The following KLHL32 variants were observed in gnomAD, a reference collection of about 807,000 sequenced individuals.
The protein encoded by KLHL32 is kelch like family member 32.
Under a neutral mutation model 64.8 loss-of-function variants are expected in KLHL32, and 35 were observed. The ratio of observed to expected loss-of-function variants is 0.54; its 90% CI spans 0.41 to 0.72. The LOEUF (loss-of-function observed/expected upper bound fraction) is 0.72. Among genes scored for constraint, KLHL32 ranks in the 30% least tolerant of loss-of-function variants. The pLI, the probability that KLHL32 is intolerant of heterozygous loss-of-function variation, is 0.00. For synonymous variants in KLHL32, 259 were observed against 281.0 expected (o/e 0.92, Z 0.78); for missense variants, 589 against 768.5 (o/e 0.77, Z 2.76).
chr6:97,066,871 T>C (rs961323961), intron 5 of KLHL32, among the ~76,000 whole-genome samples: 3 of 152,208 alleles, frequency 2.0e-5, no homozygotes, highest in African/African-American at 7.2e-5. Context: ...TCATTGAGTA[T>C]ATAAAAATAA....
At chr6:97,027,343 C>T (rs777023765) in intron 3 of KLHL32, among the ~76,000 whole-genome samples, 2 of 152,130 alleles carry the variant, frequency 1.3e-5, no homozygotes, top group Non-Finnish European at 2.9e-5. Context: ...TTACAGCCCT[C>T]AACGGGGCTG....
chr6:97,042,186 T>C (rs1222582516), intron 4 of KLHL32, among the ~76,000 whole-genome samples: 1 of 152,204 alleles, frequency 6.6e-6, no homozygotes, highest in Non-Finnish European at 1.5e-5. Context: ...GATGTTTAGC[T>C]CCCCTTTTAT....
At chr6:97,094,705 T>C (rs1794724808) in intron 6 of KLHL32, among the ~76,000 whole-genome samples, 1 of 152,220 alleles carries the variant, frequency 6.6e-6, no homozygotes, top group African/African-American at 2.4e-5. Context: ...TCTAAAGTTA[T>C]GTATCAAAGA....
the KLHL32 span, among the ~76,000 whole-genome samples, chr6:96,898,834 C>T: frequency 6.6e-6 from 1 of 152,034 alleles, no homozygotes; most frequent in African/African-American, 2.4e-5. Flanking sequence ...ATAAAACCCA[C>T]CAGGAAGGAA....
intron 10 of KLHL32, among the ~76,000 whole-genome samples, chr6:97,135,583 C>T (rs1799918208): frequency 6.6e-6 from 1 of 152,112 alleles, no homozygotes; most frequent in Non-Finnish European, 1.5e-5. Flanking sequence ...CAGGCGTGAG[C>T]CACTGCATCT....
At chr6:97,038,268 AC>A (rs1418262559) in intron 3 of KLHL32, among the ~76,000 whole-genome samples, 2 of 152,116 alleles carry the variant, frequency 1.3e-5, no homozygotes, top group Non-Finnish European at 2.9e-5. Flanking sequence ...TTTGTAAACT[AC>A]CATCTGACAA....
intron 7 of KLHL32, among the ~76,000 whole-genome samples, chr6:97,120,758 G>T (rs542910889): frequency 6.6e-6 from 1 of 152,298 alleles, no homozygotes; most frequent in African/African-American, 2.4e-5. Context: ...TAGAGGTTAG[G>T]AGGTGGATAA....
At chr6:97,075,667 C>T (rs964755216) in intron 5 of KLHL32, among the ~76,000 whole-genome samples, 1 of 152,128 alleles carries the variant, frequency 6.6e-6, no homozygotes, top group Non-Finnish European at 1.5e-5. Context: ...CACACCAGCC[C>T]CCTTTATGTT....
intron 3 of KLHL32, among the ~76,000 whole-genome samples, chr6:97,032,931 C>CTTTTTTT (rs55941007): frequency 7.0e-6 from 1 of 142,806 alleles, no homozygotes. Context: ...TTCCTGTTAG[C>CTTTTTTT]TTTTTTTTTT....
rs1797297572 is a variant in KLHL32, at chr6:97,112,623, T to C, written c.628-1160T>C. ...CACCACGCCCAGCTAATTTTTGTAG[T>C]CTTAGTAAAGACAGGGTTTCACCAT... On this transcript the variant is annotated intron_variant, in intron 6 of 10. Coordinates refer to ENST00000369261, the MANE Select transcript of KLHL32 (RefSeq NM_052904.4). Among the ~76,000 whole-genome samples, 3 of 151,948 alleles carry C rather than the reference T, an allele frequency of 2.0e-5. No homozygotes were observed. In the South Asian group the frequency reaches 6.2e-4, roughly 31 times the overall value.
intron 10 of KLHL32, 41 bp downstream of exon 10, chr6:97,132,788 T>G: frequency 1.4e-6 from 2 of 1,398,558 alleles, no homozygotes; most frequent in Non-Finnish European, 2.0e-6. Context: ...TTCAAGTGGT[T>G]CAGCGAGGTT....
rs370941248 is a variant in KLHL32, at chr6:97,080,951, C to T, written c.412-4175C>T. Among the ~76,000 whole-genome samples, 8 of 152,274 alleles carry T rather than the reference C, an allele frequency of 5.3e-5. No individual in the cohort carries two copies. In the East Asian group the frequency reaches 1.4e-3, roughly 26 times the overall value. ...ATTCCTATCCCATAGGAATTTTGCT[C>T]ATGCTGCTTCTTTGGCTTGGAGCAT... On this transcript the variant is annotated intron_variant, in intron 5 of 10. Coordinates refer to ENST00000369261, the MANE Select transcript of KLHL32 (RefSeq NM_052904.4).
chr6:97,095,602 T>C (rs1486403556), intron 6 of KLHL32, among the ~76,000 whole-genome samples: 1 of 152,154 alleles, frequency 6.6e-6, no homozygotes, highest in Admixed American at 6.5e-5. Context: ...CTATTTGACC[T>C]ATACACAAAA....
chr6:97,139,467 T>G lies in KLHL32; in HGVS notation c.*185T>G. 1 of 575,408 alleles carries G rather than the reference T, an allele frequency of 1.7e-6. No homozygotes were observed. Among genetic ancestry groups the G allele is most frequent in the South Asian group, 2.2e-5 (1 of 45,588 alleles). 35.6% of individuals were successfully genotyped at this position (575,408 alleles called of 1,614,324 possible). ...AAAACTCGTCACCCTTCTCAGTGTATGTCAACATTCAATATGTATGACTTT... is the reference window on the plus strand; with the variant it reads ...AAAACTCGTCACCCTTCTCAGTGTAGGTCAACATTCAATATGTATGACTTT... On this transcript the variant is annotated 3_prime_UTR_variant, in exon 11 of 11. Coordinates refer to ENST00000369261, the MANE Select transcript of KLHL32 (RefSeq NM_052904.4).
At chr6:97,130,655 A>G in intron 8 of KLHL32, 102 bp from the exon 9 acceptor site, 1 of 794,824 alleles carries the variant, frequency 1.3e-6, no homozygotes, top group Admixed American at 2.9e-5. Context: ...TGATCTATTG[A>G]TTGATAAACA....
At chr6:97,089,619 A>G (rs1793927750) in intron 6 of KLHL32, among the ~76,000 whole-genome samples, 1 of 152,108 alleles carries the variant, frequency 6.6e-6, no homozygotes, top group Non-Finnish European at 1.5e-5. Flanking sequence ...TCTCCACTAA[A>G]AATACAAAAA....
At chr6:96,922,140 T>C (rs979620190), upstream of KLHL32, among the ~76,000 whole-genome samples, 1 of 152,178 alleles carries the variant, frequency 6.6e-6, no homozygotes, top group Non-Finnish European at 1.5e-5. Flanking sequence ...CCACCCAGTG[T>C]CCACTTTTCT....
Position 97,096,729 on chromosome 6 carries a change from A to G in KLHL32, c.627+11388A>G, listed in dbSNP as rs566354313. On this transcript the variant is annotated intron_variant, in intron 6 of 10. Transcript: ENST00000369261. Reference sequence around the variant, plus strand: ...AGCAAAAACAACTCCTGTTTGAGGCATGCCCTCTGATGGATGAGCTCTTTT... The same window carrying G: ...AGCAAAAACAACTCCTGTTTGAGGCGTGCCCTCTGATGGATGAGCTCTTTT... Among the ~76,000 whole-genome samples the G allele has an allele frequency of 6.6e-5, 10 of 152,380 alleles. No individual in the cohort carries two copies. In the East Asian group the frequency reaches 1.7e-3, roughly 26 times the overall value.
At chr6:97,070,013 A>G (rs936864150) in intron 5 of KLHL32, among the ~76,000 whole-genome samples, 1 of 151,976 alleles carries the variant, frequency 6.6e-6, no homozygotes, top group African/African-American at 2.4e-5. Context: ...GAAGACAATA[A>G]CTTCTCCTCA....
Sources: gnomAD v4.1 joint callset for allele counts (sites outside exome capture counted in the v4.1 genomes callset) on GRCh38, gnomAD v4.1.1 for gene constraint, MANE v1.5 for transcripts, NCBI Gene and HGNC (gene_info 2026-07-23, HGNC 2026-07-21) for gene names.